The following FCHSD2 variants were observed in gnomAD, a reference collection of about 807,000 sequenced individuals.
FCHSD2 encodes FCH and double SH3 domains 2.
FCHSD2 carries 38 observed loss-of-function variants against 108.1 expected under a neutral mutation model. That is an observed-to-expected ratio of 0.35 (90% CI 0.27 to 0.46). The LOEUF (loss-of-function observed/expected upper bound fraction) is 0.46. FCHSD2 is among the 20% of genes least tolerant of loss of function. The pLI, the probability that FCHSD2 is intolerant of heterozygous loss-of-function variation, is 1.00. For synonymous variants in FCHSD2, 279 were observed against 314.7 expected, an observed-to-expected ratio of 0.89 and a Z score of 1.20; for missense variants, 751 against 897.8, an observed-to-expected ratio of 0.84 and a Z score of 2.09.
chr11:73,099,039 C>A (rs906093234), intron 2 of FCHSD2, among the ~76,000 whole-genome samples: 2 of 152,264 alleles, frequency 1.3e-5, no homozygotes, highest in South Asian at 4.1e-4. Context: ...CATAGTAAGA[C>A]ACCATCTCTA....
intron 8 of FCHSD2, among the ~76,000 whole-genome samples, chr11:72,927,842 T>C (rs1049573978): frequency 5.3e-5 from 8 of 152,230 alleles, no homozygotes; most frequent in Non-Finnish European, 1.0e-4. Flanking sequence ...TTACTGTAGA[T>C]GGATCAGCAG....
intron 9 of FCHSD2, among the ~76,000 whole-genome samples, chr11:72,915,432 A>G (rs1254644638): frequency 6.6e-6 from 1 of 152,192 alleles, no homozygotes; most frequent in East Asian, 1.9e-4. Context: ...TTCTATTATA[A>G]AGACATATGC....
chr11:72,940,826 G>C, intron 8 of FCHSD2: 1 of 895,590 alleles, frequency 1.1e-6, no homozygotes, highest in South Asian at 1.3e-5. Context: ...GGATGCCACT[G>C]TGGGGCTCTT....
intron 9 of FCHSD2, among the ~76,000 whole-genome samples, chr11:72,911,634 A>G (rs1855765621): frequency 6.6e-6 from 1 of 152,112 alleles, no homozygotes; most frequent in Non-Finnish European, 1.5e-5. Flanking sequence ...ATATCTTTCC[A>G]TTTGTTTGTG....
chr11:72,849,329 T>C (rs1861225960), intron 14 of FCHSD2, among the ~76,000 whole-genome samples: 1 of 152,178 alleles, frequency 6.6e-6, no homozygotes, highest in Non-Finnish European at 1.5e-5. Flanking sequence ...ACAGACAAAA[T>C]TTCTGCCTTC....
intron 12 of FCHSD2, among the ~76,000 whole-genome samples, chr11:72,879,562 G>C (rs906578061): frequency 6.6e-6 from 1 of 152,086 alleles, no homozygotes; most frequent in Non-Finnish European, 1.5e-5. Flanking sequence ...GAATGAACTA[G>C]AAGATAAAAG....
intron 6 of FCHSD2, among the ~76,000 whole-genome samples, chr11:72,986,138 T>C (rs1857306584): frequency 6.6e-6 from 1 of 152,198 alleles, no homozygotes; most frequent in Non-Finnish European, 1.5e-5. Context: ...ACTTCCCCAT[T>C]GTTAAAAAAA....
chr11:72,911,169 T>A (rs916283359), intron 9 of FCHSD2, among the ~76,000 whole-genome samples: 2 of 152,344 alleles, frequency 1.3e-5, no homozygotes, highest in Non-Finnish European at 1.5e-5. Context: ...TTTTTGTATA[T>A]GGCAAGAGAT....
chr11:73,103,185 A>G (rs1308839592), intron 2 of FCHSD2, among the ~76,000 whole-genome samples: 3 of 151,850 alleles, frequency 2.0e-5, no homozygotes, highest in Non-Finnish European at 4.4e-5. Context: ...TCAACTACAT[A>G]TAATTACTAA....
chr11:73,053,938 C>T (rs1245403141), intron 3 of FCHSD2, among the ~76,000 whole-genome samples: 1 of 152,122 alleles, frequency 6.6e-6, no homozygotes, highest in Non-Finnish European at 1.5e-5. Flanking sequence ...GTATTTTTTA[C>T]TCATCCAATA....
Position 72,984,126 on chromosome 11 carries a change from C to T in FCHSD2, c.667G>A (p.Asp223Asn). 6.2e-7 allele frequency: 1 copy of T among 1,613,474 alleles called. No individual in the cohort carries two copies. The highest frequency in any genetic ancestry group is 1.6e-4 in the Middle Eastern group (1 of 6,062). The change falls in exon 8 of 20, where the codon GAT (aspartate) becomes AAT (asparagine). Residue 223 changes from aspartate to asparagine, a missense_variant. Coordinates refer to ENST00000409418, the MANE Select transcript of FCHSD2 (RefSeq NM_014824.3). ...LTLAAANAHQ[D>N]RYYQTDLVNI... is the part of the protein sequence containing the mutation. The stretch of plus-strand genomic sequence containing the variant: ...ACTAAATCTGTTTGATAGTAGCGAT[C>T]CTGATGTGCATTTGCTGCCGCTAGG...
intron 8 of FCHSD2, among the ~76,000 whole-genome samples, chr11:72,929,709 G>A (rs1856150259): frequency 6.6e-6 from 1 of 152,114 alleles, no homozygotes; most frequent in African/African-American, 2.4e-5. Flanking sequence ...TGATTAAAAA[G>A]CCAACGATCA....
intron 3 of FCHSD2, among the ~76,000 whole-genome samples, chr11:73,019,758 T>G (rs1025430596): frequency 1.3e-5 from 2 of 152,288 alleles, no homozygotes; most frequent in African/African-American, 4.8e-5. Flanking sequence ...ATATTGCACA[T>G]TTCTGAAAGC....
chr11:72,870,254 C>G (rs750635225), intron 12 of FCHSD2, among the ~76,000 whole-genome samples: 4 of 152,146 alleles, frequency 2.6e-5, no homozygotes, highest in Non-Finnish European at 5.9e-5. Context: ...CTATATAGAT[C>G]TAATTACAAT....
At chr11:72,848,800 C>T (rs952317106) in intron 14 of FCHSD2, among the ~76,000 whole-genome samples, 5 of 152,070 alleles carry the variant, frequency 3.3e-5, no homozygotes, top group Admixed American at 1.3e-4. Flanking sequence ...AGTTCTGGGA[C>T]GTTCAAGTAA....
chr11:73,031,185 TAGAG>T (rs1392931925), intron 3 of FCHSD2, among the ~76,000 whole-genome samples: 78 of 152,168 alleles, frequency 5.1e-4, no homozygotes, highest in African/African-American at 1.9e-3. Flanking sequence ...CTTGAATAAA[TAGAG>T]AATAAAGGCC....
intron 2 of FCHSD2, among the ~76,000 whole-genome samples, chr11:73,117,674 T>A (rs758684949): frequency 3.3e-5 from 5 of 152,188 alleles, no homozygotes; most frequent in Non-Finnish European, 5.9e-5. Flanking sequence ...TTCAACAGAT[T>A]ATTGCAAAAT....
chr11:73,015,741 T>C (rs1001425489), intron 4 of FCHSD2, 68 bp downstream of exon 4: 15 of 872,216 alleles, frequency 1.7e-5, no homozygotes, highest in Non-Finnish European at 2.4e-5. Context: ...AGTGTTACAT[T>C]ATCTATATGT....
intron 5 of FCHSD2, among the ~76,000 whole-genome samples, chr11:72,991,643 G>C (rs1278626837): frequency 1.3e-5 from 2 of 152,104 alleles, no homozygotes; most frequent in Non-Finnish European, 2.9e-5. Context: ...CATATAAACA[G>C]AACCAACGAC....
Sources: allele counts gnomAD v4.1 joint callset (sites outside exome capture counted in the v4.1 genomes callset), GRCh38; gene constraint gnomAD v4.1.1; transcripts MANE v1.5; gene names NCBI Gene and HGNC (gene_info 2026-07-23, HGNC 2026-07-21).